Variants in KANK1 observed in about 807,000 individuals in gnomAD.
The protein encoded by KANK1 is KN motif and ankyrin repeat domains 1.
In KANK1, 109 loss-of-function variants were observed where a neutral mutation model predicts 106.2. The ratio of observed to expected loss-of-function variants is 1.03; its 90% confidence interval spans 0.88 to 1.20. KANK1 has a LOEUF of 1.20. Ranked by LOEUF, KANK1 falls within the 50% of genes most tolerant of loss-of-function variation. The pLI is 0.00. For missense variants in KANK1, 2,399 were observed against 1,710.7 expected, an observed-to-expected ratio of 1.40 and a Z score of -7.10; for synonymous variants, 873 against 652.2, an observed-to-expected ratio of 1.34 and a Z score of -5.16.
chr9:682,570 G>T (rs60405463), intron 2 of KANK1, among the ~76,000 whole-genome samples: 30,672 of 152,016 alleles, frequency 0.2, 4,867 homozygotes, highest in East Asian at 0.55. Context: ...ACCAGTTGAA[G>T]TATTCTTTTT....
chr9:473,344 C>T (rs1053767179), intron 3 of KANK1: 2 of 152,206 alleles, frequency 1.3e-5, no homozygotes, highest in Non-Finnish European at 2.9e-5. Flanking sequence ...AAGGAAAGTG[C>T]ACACAGCTTG....
At chr9:494,124 G>C (rs12006369) in intron 3 of KANK1, among the ~76,000 whole-genome samples, 1 of 151,686 alleles carries the variant, frequency 6.6e-6, no homozygotes, top group Non-Finnish European at 1.5e-5. Flanking sequence ...CTCGTGATCC[G>C]CCTGCCTTGA....
In KANK1 at chr9:740,808, T is replaced by C. The variant is rs369894037; in HGVS notation, c.3570T>C (p.Asp1190=). ...TTTTTACAGATGTGTGTAATGTGGA[T>C]CACCAGAACAAGGCAGGCTACACCC... ...LLLDADVCNV[D]HQNKAGYTPI... Residue 1190 remains aspartate (D), a synonymous_variant, in exon 9 of 12, where the codon GAT becomes GAC. Coordinates refer to ENST00000382297, the MANE Select transcript of KANK1 (RefSeq NM_015158.5). 5.0e-5 allele frequency: 80 copies of C among 1,611,256 alleles called. No homozygotes were observed. Among genetic ancestry groups the C allele is most frequent in the Non-Finnish European group, 4.9e-5 (58 of 1,178,838 alleles).
chr9:487,630 C>T (rs1414230373), intron 3 of KANK1: 1 of 152,100 alleles, frequency 6.6e-6, no homozygotes, highest in East Asian at 1.9e-4. Flanking sequence ...GTTCTAATGC[C>T]ATTGTTAAAA....
Position 738,429 on chromosome 9 carries a change from G to A in KANK1, c.3478G>A (p.Gly1160Ser), listed in dbSNP as rs374492770. The A allele has an allele frequency of 2.7e-5, 44 of 1,613,930 alleles. No homozygotes were observed. The highest frequency in any genetic ancestry group is 2.9e-5 in the Non-Finnish European group (34 of 1,180,016). ...CCGCTATGTCATCAACTTGGCAGAC[G>A]GCAACGGCAACACAGCCCTCCATTA... ...VLRYVINLAD[G>S]NGNTALHYSV... The change falls in exon 8 of 12, where the codon GGC (glycine) becomes AGC (serine). Residue 1160 changes from glycine to serine, a missense_variant. By Grantham distance (56) the Gly-to-Ser change is moderately conservative (BLOSUM62 0). Coordinates refer to ENST00000382297, the MANE Select transcript of KANK1 (RefSeq NM_015158.5).
At chr9:530,296 C>T (rs998926969) in intron 1 of KANK1, among the ~76,000 whole-genome samples, 6 of 152,108 alleles carry the variant, frequency 3.9e-5, no homozygotes, top group African/African-American at 1.4e-4. Context: ...AGGCGTTCCC[C>T]ATCTTAAAAT....
intron 1 of KANK1, among the ~76,000 whole-genome samples, chr9:511,398 C>G (rs904646068): frequency 6.6e-6 from 1 of 152,082 alleles, no homozygotes; most frequent in Admixed American, 6.6e-5. Flanking sequence ...AGGTGTAGGC[C>G]CAGGCTGGCT....
chr9:517,991 G>A (rs182215786), intron 1 of KANK1, among the ~76,000 whole-genome samples: 15 of 151,636 alleles, frequency 9.9e-5, no homozygotes, highest in African/African-American at 1.7e-4. Context: ...ACCTGCCTCA[G>A]CCTTCCAGAG....
intron 11 of KANK1, 92 bp from the exon 12 acceptor site, chr9:745,081 G>C: frequency 1.3e-6 from 2 of 1,550,744 alleles, no homozygotes; most frequent in Non-Finnish European, 1.7e-6. Context: ...GCTGCTTGTT[G>C]CCTGTGGTGG....
rs1054240072 is a variant in KANK1 at position 714,950 on chromosome 9, T to A, written c.2698+1486T>A. Among the ~76,000 whole-genome samples the A allele has an allele frequency of 2.6e-5, 4 of 152,256 alleles. No individual in the cohort carries two copies. In the East Asian group the frequency reaches 7.7e-4, roughly 29 times the overall value. ...ACCTGGGAAAGAGTGTGCATTAGAT[T>A]AATTTTACATGAAAATGTGTGATAC... On this transcript the variant is annotated intron_variant, in intron 3 of 11. Transcript: ENST00000382297.
rs940711547 is a variant in KANK1, at chr9:508,122, T to C, written c.-84+3368T>C. 1.5e-3 allele frequency among the ~76,000 whole-genome samples: 27 copies of C among 18,114 alleles called. No individual in the cohort carries two copies. The African/African-American group carries it at 0.029, about 20-fold the overall frequency. 11.9% of individuals were successfully genotyped at this position (18,114 alleles called of 152,430 possible). A position where few individuals can be genotyped will look rare whatever the true frequency, so the allele number is the denominator to read the frequency against. On this transcript the variant is annotated intron_variant, in intron 1 of 11. Coordinates refer to ENST00000382297, the MANE Select transcript of KANK1 (RefSeq NM_015158.5). ...CAGGTGTGAGACACCCTGCTCAGCC[T>C]TTTTTTTTTTTTTTTTTTTTTTTTT...
intron 1 of KANK1, among the ~76,000 whole-genome samples, chr9:638,387 C>T (rs1215936857): frequency 2.0e-5 from 3 of 152,124 alleles, no homozygotes; most frequent in African/African-American, 7.2e-5. Flanking sequence ...CTACATGGGT[C>T]CTGAGGTTTT....
At chr9:481,723 T>C (rs1210493860) in intron 3 of KANK1, among the ~76,000 whole-genome samples, 4 of 151,922 alleles carry the variant, frequency 2.6e-5, no homozygotes, top group Non-Finnish European at 4.4e-5. Context: ...AGGTCTGACA[T>C]AGTGGCTCAC....
At chr9:668,900 A>C (rs2138485374) in intron 1 of KANK1, among the ~76,000 whole-genome samples, 1 of 152,174 alleles carries the variant, frequency 6.6e-6, no homozygotes, top group East Asian at 1.9e-4. Flanking sequence ...TGCAGTTCAC[A>C]ATAGGGTTTG....
At chr9:602,807 T>A (rs1185592902) in intron 1 of KANK1, among the ~76,000 whole-genome samples, 5 of 151,914 alleles carry the variant, frequency 3.3e-5, no homozygotes, top group Non-Finnish European at 7.3e-5. Context: ...GACTGCGCTT[T>A]TAGTTCTTGC....
chr9:512,083 C>T (rs2059054122), intron 1 of KANK1, among the ~76,000 whole-genome samples: 1 of 152,144 alleles, frequency 6.6e-6, no homozygotes, highest in East Asian at 1.9e-4. Context: ...TTGAGCAGAG[C>T]ACCTACACAT....
chr9:611,591 T>G (rs1199305743), intron 1 of KANK1, among the ~76,000 whole-genome samples: 1 of 152,188 alleles, frequency 6.6e-6, no homozygotes, highest in Non-Finnish European at 1.5e-5. Flanking sequence ...TAGATAGGAG[T>G]GTGTCTAAAA....
At chr9:619,953 A>G (rs1412807970) in intron 1 of KANK1, among the ~76,000 whole-genome samples, 1 of 152,058 alleles carries the variant, frequency 6.6e-6, no homozygotes, top group Admixed American at 6.5e-5. Context: ...CCTGGCCAAC[A>G]TGGCAAAACC....
chr9:727,680 ATGTGTGTGTGTG>A (rs55997819), intron 3 of KANK1, among the ~76,000 whole-genome samples: 40 of 139,768 alleles, frequency 2.9e-4, no homozygotes, highest in South Asian at 2.8e-3. Context: ...ATAACTTTTC[ATGTGTGTGTGTG>A]TGTGTGTGTG....
Sources: gnomAD v4.1 joint callset for allele counts (sites outside exome capture counted in the v4.1 genomes callset) on GRCh38, gnomAD v4.1.1 for gene constraint, MANE v1.5 for transcripts, NCBI Gene and HGNC (gene_info 2026-07-23, HGNC 2026-07-21) for gene names.